The following MCC variants were observed in gnomAD, a reference collection of about 807,000 sequenced individuals.
The protein encoded by MCC is MCC regulator of Wnt signaling pathway, also known as colorectal mutant cancer protein.
Under a neutral mutation model 116.2 loss-of-function variants are expected in MCC, and 90 were observed. The ratio of observed to expected loss-of-function variants is 0.77; its 90% confidence interval spans 0.65 to 0.92. The LOEUF is 0.92. Among genes scored for constraint, MCC ranks in the 40% least tolerant of loss-of-function variants. The probability of loss-of-function intolerance (pLI) is 0.00; values close to 1 mark genes in which losing one functional copy is unlikely to be tolerated. For synonymous variants in MCC, 578 were observed against 510.5 expected (o/e 1.13, Z -1.78); for missense variants, 1,516 against 1,312.2 (o/e 1.16, Z -2.40).
At chr5:113,065,044 G>A (rs867521993) in intron 13 of MCC, among the ~76,000 whole-genome samples, 1 of 152,232 alleles carries the variant, frequency 6.6e-6, no homozygotes, top group Non-Finnish European at 1.5e-5. Flanking sequence ...GATGGGGTTG[G>A]GGGAGGAATG....
At chr5:113,446,752 G>C in intron 1 of MCC, among the ~76,000 whole-genome samples, 1 of 152,166 alleles carries the variant, frequency 6.6e-6, no homozygotes. Context: ...GCTAAACATA[G>C]TGTACTCACG....
intron 1 of MCC, among the ~76,000 whole-genome samples, chr5:113,429,060 G>A (rs1323041720): frequency 1.3e-5 from 2 of 152,010 alleles, no homozygotes; most frequent in African/African-American, 4.8e-5. Context: ...CTCCTTCACC[G>A]AAGAAATAGG....
In MCC at chr5:113,225,788, GAT is replaced by G. The variant is rs770396824; in HGVS notation, c.628-74368_628-74367del. ...ACAATGGAATGTCAGAACCAGAAAG[GAT>G]ATTAGGTGATTACATCTGATGTCTT... On this transcript the variant is annotated intron_variant, in intron 3 of 18. Transcript: ENST00000408903. 8.5e-5 allele frequency among the ~76,000 whole-genome samples: 13 copies of G among 152,132 alleles called. 1 individual carries two copies. The highest frequency in any genetic ancestry group is 5.9e-5 in the Non-Finnish European group (4 of 68,044).
chr5:113,155,171 T>C (rs748174610), intron 3 of MCC, among the ~76,000 whole-genome samples: 10 of 152,206 alleles, frequency 6.6e-5, no homozygotes, highest in Non-Finnish European at 1.3e-4. Context: ...TCACTTAACA[T>C]AATGACCTCC....
intron 3 of MCC, among the ~76,000 whole-genome samples, chr5:113,295,464 G>A (rs367815890): frequency 4.6e-5 from 7 of 150,588 alleles, no homozygotes; most frequent in African/African-American, 1.7e-4. Context: ...GAAAGATGTC[G>A]ATAGGCTCCC....
intron 1 of MCC, among the ~76,000 whole-genome samples, chr5:113,410,663 A>C (rs11738455): frequency 3.3e-5 from 5 of 152,346 alleles, no homozygotes; most frequent in East Asian, 1.9e-4. Context: ...CACAACGTGC[A>C]GGTTACATAG....
At chr5:113,284,059 T>C (rs1367666811) in intron 3 of MCC, among the ~76,000 whole-genome samples, 2 of 152,246 alleles carry the variant, frequency 1.3e-5, no homozygotes, top group South Asian at 4.1e-4. Context: ...ACATGTATCA[T>C]ATAAAATGTG....
In MCC at chr5:113,481,697, C is replaced by T. The variant is rs373909872; in HGVS notation, c.170+6548G>A. On this transcript the variant is annotated intron_variant, in intron 1 of 18. Coordinates refer to ENST00000408903, the MANE Select transcript of MCC (RefSeq NM_001085377.2). ...GAGATTGCAGTGAGCCGAGATTGTG[C>T]CACTTTACTCCAGCCTGGGTGACAG... 2.4e-4 allele frequency among the ~76,000 whole-genome samples: 36 copies of T among 152,170 alleles called. 4 individuals are homozygous for T. The highest frequency in any genetic ancestry group is 7.2e-4 in the Admixed American group (11 of 15,292).
chr5:113,460,599 G>C (rs1771717054), intron 1 of MCC, among the ~76,000 whole-genome samples: 1 of 152,178 alleles, frequency 6.6e-6, no homozygotes, highest in African/African-American at 2.4e-5. Flanking sequence ...TCCCCTAACA[G>C]CCCCACGCTG....
chr5:113,054,368 T>C (rs1473430641), intron 14 of MCC, among the ~76,000 whole-genome samples: 2 of 152,224 alleles, frequency 1.3e-5, no homozygotes, highest in African/African-American at 2.4e-5. Flanking sequence ...GGTGGTGATA[T>C]TTTGAGGACA....
intron 11 of MCC, among the ~76,000 whole-genome samples, 158 bp downstream of exon 11, chr5:113,082,702 C>T (rs1429092146): frequency 6.6e-6 from 1 of 152,234 alleles, no homozygotes; most frequent in African/African-American, 2.4e-5. Flanking sequence ...GAGCACTCCT[C>T]TGATGACCAA....
chr5:113,073,427 T>C (rs942551137), intron 11 of MCC, among the ~76,000 whole-genome samples: 2 of 152,216 alleles, frequency 1.3e-5, no homozygotes, highest in African/African-American at 2.4e-5. Flanking sequence ...CAGATCTTGT[T>C]TTTCCACATT....
intron 13 of MCC, among the ~76,000 whole-genome samples, chr5:113,065,973 T>C (rs1435712560): frequency 6.6e-6 from 1 of 152,230 alleles, no homozygotes; most frequent in Non-Finnish European, 1.5e-5. Context: ...CTGTCATTTC[T>C]CTGACAAACT....
intron 2 of MCC, among the ~76,000 whole-genome samples, chr5:113,378,368 G>C (rs1439856159): frequency 6.6e-6 from 1 of 152,096 alleles, no homozygotes; most frequent in Non-Finnish European, 1.5e-5. Flanking sequence ...CAGCAATGAA[G>C]GCTGACACAT....
intron 8 of MCC, among the ~76,000 whole-genome samples, chr5:113,087,532 A>G (rs368119011): frequency 6.6e-6 from 1 of 152,172 alleles, no homozygotes. Flanking sequence ...ACAAAGAGAG[A>G]CTGGGCAAAG....
chr5:113,249,139 G>GCTCGCT (rs1554070876), intron 3 of MCC, among the ~76,000 whole-genome samples: 1 of 149,274 alleles, frequency 6.7e-6, no homozygotes, highest in Non-Finnish European at 1.5e-5. Flanking sequence ...ACCGCACCCA[G>GCTCGCT]CTCTCTCTCT....
Position 113,434,500 on chromosome 5 carries a change from G to A in MCC, c.171-49288C>T, listed in dbSNP as rs188476689. 3.0e-4 allele frequency: 487 copies of A among 1,613,182 alleles called. 3 individuals carry two copies. In the Admixed American group the frequency reaches 4.8e-3, roughly 16 times the overall value. ...AAGGAAAGCTGGTGGAACTTCTTGC[G>A]AGCTTCGTCCTCATGCAGGGCTCCC... On this transcript the variant is annotated intron_variant, in intron 1 of 18. Transcript: ENST00000408903. This position sits in a 1 kb window ranked among gnomAD's most constrained non-coding sequence, Gnocchi z 4.2.
rs1328808321 is a variant in MCC, at chr5:113,220,057, CTTTTTCT to C, written c.628-68642_628-68636del. 1.0e-3 allele frequency among the ~76,000 whole-genome samples: 82 copies of C among 79,612 alleles called. 12 individuals carry two copies. The highest frequency in any genetic ancestry group is 3.5e-3 in the South Asian group (5 of 1,410). 52.2% of individuals were successfully genotyped at this position (79,612 alleles called of 152,430 possible). A position where few individuals can be genotyped will look rare whatever the true frequency, so the allele number is the denominator to read the frequency against. On this transcript the variant is annotated intron_variant, in intron 3 of 18. Transcript: ENST00000408903. ...AACTTTGGAATCTGCATGTCAATTT[CTTTTTCT>C]TTTTTTTTTTTGAGACGGAGTCTTG... is the stretch of plus-strand genomic sequence containing the variant.
intron 15 of MCC, 31 bp downstream of exon 15, chr5:113,053,694 G>T: frequency 1.3e-6 from 2 of 1,522,594 alleles, no homozygotes; most frequent in Non-Finnish European, 1.8e-6. Context: ...CCTGGTGGCA[G>T]CCTAGCACAT....
Sources: gnomAD v4.1 joint callset for allele counts (sites outside exome capture counted in the v4.1 genomes callset) on GRCh38, gnomAD v4.1.1 for gene constraint, Gnocchi (gnomAD v3.1) non-coding constraint, MANE v1.5 for transcripts, NCBI Gene and HGNC (gene_info 2026-07-23, HGNC 2026-07-21) for gene names.